The following ALDH8A1 variants were observed in gnomAD, a reference collection of about 807,000 sequenced individuals.
The protein encoded by ALDH8A1 is 2-aminomuconic semialdehyde dehydrogenase.
A neutral mutation model predicts 43.3 loss-of-function variants in ALDH8A1; 39 were observed. That is an observed-to-expected ratio of 0.90 (90% confidence interval 0.70 to 1.18). ALDH8A1 has a LOEUF of 1.18. ALDH8A1 is among the 50% of genes most tolerant of loss of function. ALDH8A1 has a pLI of 0.00. For missense variants in ALDH8A1, 605 were observed against 622.6 expected, an observed-to-expected ratio of 0.97 and a Z score of 0.30; for synonymous variants, 233 against 243.5, an observed-to-expected ratio of 0.96 and a Z score of 0.40.
intron 1 of ALDH8A1, among the ~76,000 whole-genome samples, chr6:134,944,826 C>T (rs1275900127): frequency 6.6e-6 from 1 of 151,660 alleles, no homozygotes; most frequent in Non-Finnish European, 1.5e-5. Flanking sequence ...GAGGTAGAAG[C>T]TGTAGTGAGC....
intron 6 of ALDH8A1, among the ~76,000 whole-genome samples, chr6:134,921,561 C>T (rs1776800078): frequency 6.6e-6 from 1 of 152,226 alleles, no homozygotes; most frequent in Non-Finnish European, 1.5e-5. Flanking sequence ...TGCTGTATCT[C>T]CATAAGTCCT....
intron 6 of ALDH8A1, among the ~76,000 whole-genome samples, chr6:134,920,839 C>T (rs11962204): frequency 0.047 from 7,156 of 152,148 alleles, 554 homozygotes; most frequent in African/African-American, 0.16. Flanking sequence ...TAGTACTCAG[C>T]AGCTTTAGAC....
rs1235264473 is a variant in ALDH8A1 at position 134,917,610 on chromosome 6, C to T, written c.*805G>A. On this transcript the variant is annotated 3_prime_UTR_variant, in exon 7 of 7. Transcript: ENST00000265605. The stretch of plus-strand genomic sequence containing the variant: ...ACATTTAGTAGAGCTTACCACATAG[C>T]CTTCCCCTAACAAATTCCAAAGACG... The T allele has an allele frequency of 1.3e-5, 2 of 152,194 alleles. No individual in the cohort carries two copies. Among genetic ancestry groups the T allele is most frequent in the Non-Finnish European group, 2.9e-5 (2 of 68,058 alleles). The allele number at this position is 152,194 out of a possible 1,614,324, so 9.4% of individuals were successfully genotyped here. A position where few individuals can be genotyped will look rare whatever the true frequency, so the allele number is the denominator to read the frequency against.
At chr6:134,926,987 A>G (rs748597734) in intron 6 of ALDH8A1, among the ~76,000 whole-genome samples, 1 of 152,200 alleles carries the variant, frequency 6.6e-6, no homozygotes, top group Non-Finnish European at 1.5e-5. Flanking sequence ...ACCAAGGCTC[A>G]GTAGAGAGAG....
At position 134,918,111 on chromosome 6, in the gene ALDH8A1, T is replaced by G; in HGVS notation, c.*304A>C. 1 of 364,388 alleles carries G rather than the reference T, an allele frequency of 2.7e-6. No individual in the cohort carries two copies. Among genetic ancestry groups the G allele is most frequent in the East Asian group, 5.1e-5 (1 of 19,476 alleles). 22.6% of individuals were successfully genotyped at this position (364,388 alleles called of 1,614,324 possible). On this transcript the variant is annotated 3_prime_UTR_variant, in exon 7 of 7. Coordinates refer to ENST00000265605, the MANE Select transcript of ALDH8A1 (RefSeq NM_022568.4). ...ATGAAATAATCTGATTATCTGGAGA[T>G]TCCCAAGAGTTCAATGAAGATGATG...
At chr6:134,920,210 T>A (rs555085345) in intron 6 of ALDH8A1, among the ~76,000 whole-genome samples, 1 of 152,320 alleles carries the variant, frequency 6.6e-6, no homozygotes, top group East Asian at 1.9e-4. Context: ...CAAGACTTTT[T>A]TAAAAAATAG....
At chr6:134,931,905 T>G (rs529103869) in intron 5 of ALDH8A1, among the ~76,000 whole-genome samples, 171 of 152,362 alleles carry the variant, frequency 1.1e-3, no homozygotes, top group African/African-American at 3.9e-3. Context: ...AGTGAAGCAA[T>G]GCAGTTTCAA....
chr6:134,933,926 C>A (rs907599482), intron 4 of ALDH8A1, among the ~76,000 whole-genome samples: 5 of 152,124 alleles, frequency 3.3e-5, no homozygotes, highest in African/African-American at 1.2e-4. Context: ...CCAGGCTGGT[C>A]TCGAACTCCT....
intron 3 of ALDH8A1, among the ~76,000 whole-genome samples, chr6:134,941,591 T>G (rs1348895607): frequency 6.6e-6 from 1 of 152,188 alleles, no homozygotes; most frequent in Non-Finnish European, 1.5e-5. Context: ...GGTTTCGCCA[T>G]GTTGGCCAGG....
Position 134,942,495 on chromosome 6 carries a change from G to T in ALDH8A1, c.356C>A (p.Ser119Tyr). ...RSVQNFRFFASSSLHHTSECT... is the reference protein window; with the variant it reads ...RSVQNFRFFAYSSLHHTSECT... The stretch of plus-strand genomic sequence containing the variant: ...CTCTGACGTGTGGTGCAGGCTGGAG[G>T]AAGCGAAGAACCTGAAGTTCTGCAC... The change falls in exon 3 of 7, where the codon TCC becomes TAC. Residue 119 changes from serine to tyrosine, a missense_variant. Physicochemically the swap from Ser to Tyr is moderately radical, Grantham distance 144. Transcript: ENST00000265605. 1.2e-6 allele frequency: 2 copies of T among 1,614,242 alleles called. No individual in the cohort carries two copies. The highest frequency in any genetic ancestry group is 2.2e-5 in the South Asian group (2 of 91,080).
chr6:134,939,132 T>C, intron 4 of ALDH8A1, 134 bp downstream of exon 4: 1 of 1,373,358 alleles, frequency 7.3e-7, no homozygotes, highest in Non-Finnish European at 1.0e-6. Flanking sequence ...GTGGAGGGGA[T>C]TTCCCAGACA....
At chr6:134,928,748 TC>T (rs1776927740) in intron 6 of ALDH8A1, among the ~76,000 whole-genome samples, 1 of 152,224 alleles carries the variant, frequency 6.6e-6, no homozygotes, top group Admixed American at 6.5e-5. Context: ...CTGGCATTCT[TC>T]CATATCACCC....
At chr6:134,933,161 T>G (rs763388969) in intron 4 of ALDH8A1, 129 bp from the exon 5 acceptor site, 7 of 1,085,610 alleles carry the variant, frequency 6.4e-6, no homozygotes, top group Non-Finnish European at 8.8e-6. Context: ...CACTTGGGTT[T>G]TACAACACTT....
chr6:134,917,673 TCAATTAG>T lies in ALDH8A1; in HGVS notation c.*735_*741del, dbSNP rs1323964489. Reference sequence around the variant, plus strand: ...TTATGTAATGAGGTCCAATCAATGATCAATTAGCCATGCTAGTGGCTAATAGACAAGG... The same window carrying T: ...TTATGTAATGAGGTCCAATCAATGATCCATGCTAGTGGCTAATAGACAAGG... On this transcript the variant is annotated 3_prime_UTR_variant, in exon 7 of 7. Transcript: ENST00000265605. The T allele has an allele frequency of 1.3e-5, 2 of 152,226 alleles. No homozygotes were observed. The highest frequency in any genetic ancestry group is 4.8e-5 in the African/African-American group (2 of 41,440). 9.4% of individuals were successfully genotyped at this position (152,226 alleles called of 1,614,324 possible).
At chr6:134,942,344 C>A in intron 3 of ALDH8A1, 65 bp downstream of exon 3, 2 of 1,471,658 alleles carry the variant, frequency 1.4e-6, no homozygotes, top group South Asian at 1.5e-5. Flanking sequence ...GAGGACAATG[C>A]CATAGAATGT....
At chr6:134,927,307 AAAG>A (rs530045910) in intron 6 of ALDH8A1, among the ~76,000 whole-genome samples, 79 of 147,932 alleles carry the variant, frequency 5.3e-4, no homozygotes, top group Admixed American at 9.9e-4. Flanking sequence ...GTTAAAAAAG[AAAG>A]AAGAAGAAGA....
intron 3 of ALDH8A1, among the ~76,000 whole-genome samples, chr6:134,941,056 C>T (rs1773844244): frequency 6.6e-6 from 1 of 152,198 alleles, no homozygotes; most frequent in African/African-American, 2.4e-5. Flanking sequence ...TTAGTCATCA[C>T]AGACATTTAT....
At chr6:134,934,299 C>T (rs538555786) in intron 4 of ALDH8A1, among the ~76,000 whole-genome samples, 2 of 152,256 alleles carry the variant, frequency 1.3e-5, no homozygotes, top group South Asian at 4.2e-4. Context: ...AATCTTTAAC[C>T]AGAATTCTTT....
At position 134,929,057 on chromosome 6, in the gene ALDH8A1, C is replaced by T; in HGVS notation, c.1008G>A (p.Glu336=). The change falls in exon 6 of 7, where the codon GAG becomes GAA. Residue 336 remains glutamate, a synonymous_variant. Coordinates refer to ENST00000265605, the MANE Select transcript of ALDH8A1 (RefSeq NM_022568.4). ...TACATGGCAGAAATTTACTTACTTT[C>T]TCCAAATGTGCTTTACTTATCAGAG... is the stretch of plus-strand genomic sequence containing the variant. ...IGALISKAHL[E]KVRSYVKRAL... 1.2e-6 allele frequency: 2 copies of T among 1,613,108 alleles called. No individual in the cohort carries two copies. Among genetic ancestry groups the T allele is most frequent in the Non-Finnish European group, 1.7e-6 (2 of 1,179,738 alleles).
Sources: allele counts gnomAD v4.1 joint callset (sites outside exome capture counted in the v4.1 genomes callset), GRCh38; gene constraint gnomAD v4.1.1; transcripts MANE v1.5; gene names NCBI Gene and HGNC (gene_info 2026-07-23, HGNC 2026-07-21).